Variants in LAMA2 observed in about 807,000 individuals in gnomAD.
LAMA2 encodes the protein laminin subunit alpha 2.
A neutral mutation model predicts 364.8 loss-of-function variants in LAMA2; 269 were observed. The observed-to-expected ratio is 0.74, with a 90% confidence interval of 0.67 to 0.82. The LOEUF is 0.82. Among genes scored for constraint, LAMA2 ranks in the 40% least tolerant of loss-of-function variants. The pLI is 0.00. For synonymous variants in LAMA2, 1,379 were observed against 1,370.6 expected, an observed-to-expected ratio of 1.01 and a Z score of -0.14; for missense variants, 3,807 against 3,873.2, an observed-to-expected ratio of 0.98 and a Z score of 0.45.
chr6:129,382,658 G>A (rs994158347), intron 34 of LAMA2, among the ~76,000 whole-genome samples: 7 of 152,012 alleles, frequency 4.6e-5, no homozygotes, highest in East Asian at 1.9e-4. Context: ...TTTAATTAAC[G>A]TATTGATCTA....
chr6:128,987,694 T>C (rs533937668), intron 1 of LAMA2, among the ~76,000 whole-genome samples: 1 of 152,050 alleles, frequency 6.6e-6, no homozygotes, highest in Non-Finnish European at 1.5e-5. Context: ...AAGAAAAGAG[T>C]CTTAGGCTTG....
At chr6:129,270,567 C>G in intron 16 of LAMA2, 57 bp from the exon 17 acceptor site, 1 of 1,596,422 alleles carries the variant, frequency 6.3e-7, no homozygotes. Flanking sequence ...CTATTTTTGG[C>G]AACATGTTGA....
intron 63 of LAMA2, among the ~76,000 whole-genome samples, chr6:129,513,999 T>C (rs1259363397): frequency 2.0e-5 from 3 of 152,182 alleles, no homozygotes. Flanking sequence ...TTTAAGAAAA[T>C]TTTATAAGGT....
At chr6:128,894,741 G>A (rs1437348203) in intron 1 of LAMA2, among the ~76,000 whole-genome samples, 1 of 152,004 alleles carries the variant, frequency 6.6e-6, no homozygotes, top group African/African-American at 2.4e-5. Context: ...TTTTCTTCTG[G>A]GAGTGTGTGG....
intron 3 of LAMA2, among the ~76,000 whole-genome samples, chr6:129,068,755 T>C (rs1773103069): frequency 6.6e-6 from 1 of 152,236 alleles, no homozygotes; most frequent in Admixed American, 6.5e-5. Context: ...CTATGTGACT[T>C]TACCACACTT....
chr6:129,365,196 A>G (rs560089773), intron 32 of LAMA2, among the ~76,000 whole-genome samples: 92 of 152,342 alleles, frequency 6.0e-4, no homozygotes, highest in African/African-American at 2.2e-3. Context: ...TTATTTATCT[A>G]TAAGACTGAA....
chr6:129,283,167 G>C (rs142770478), intron 18 of LAMA2, among the ~76,000 whole-genome samples: 65 of 152,134 alleles, frequency 4.3e-4, no homozygotes, highest in African/African-American at 1.5e-3. Flanking sequence ...AGGGGAGAAG[G>C]TATTCATGAT....
At chr6:129,497,181 T>C (rs1785253207) in intron 58 of LAMA2, among the ~76,000 whole-genome samples, 1 of 152,196 alleles carries the variant, frequency 6.6e-6, no homozygotes, top group Non-Finnish European at 1.5e-5. Context: ...TGTAATGATG[T>C]GGTTATTAAA....
chr6:129,366,184 A>C (rs1170774888), intron 32 of LAMA2, 35 bp from the exon 33 acceptor site: 3 of 1,611,974 alleles, frequency 1.9e-6, no homozygotes, highest in Non-Finnish European at 2.5e-6. Context: ...GATGTTTAGC[A>C]GAAGTAACTA....
At chr6:128,960,288 T>C (rs1309544527) in intron 1 of LAMA2, among the ~76,000 whole-genome samples, 3 of 152,082 alleles carry the variant, frequency 2.0e-5, no homozygotes, top group African/African-American at 7.2e-5. Context: ...TTTCATGGAT[T>C]AATCCCCTAG....
intron 1 of LAMA2, among the ~76,000 whole-genome samples, chr6:128,989,889 G>A (rs772923092): frequency 3.3e-5 from 5 of 151,798 alleles, no homozygotes; most frequent in South Asian, 2.1e-4. Flanking sequence ...TAGACAGCAC[G>A]TTTTTTTTCT....
chr6:129,124,655 C>T (rs1001392598), intron 4 of LAMA2, among the ~76,000 whole-genome samples: 1 of 152,164 alleles, frequency 6.6e-6, no homozygotes, highest in East Asian at 1.9e-4. Flanking sequence ...GGCTAAATTG[C>T]TGTCTTGCAA....
intron 57 of LAMA2, 107 bp from the exon 58 acceptor site, chr6:129,492,208 T>A: frequency 2.1e-6 from 3 of 1,432,830 alleles, no homozygotes; most frequent in Non-Finnish European, 2.9e-6. Context: ...CAACTTAGAC[T>A]GAGAAAAGCA....
chr6:129,142,840 A>T (rs1390526623), intron 4 of LAMA2, among the ~76,000 whole-genome samples: 1 of 151,988 alleles, frequency 6.6e-6, no homozygotes, highest in Non-Finnish European at 1.5e-5. Flanking sequence ...TTTAATTAAC[A>T]TTTATCCTAT....
chr6:129,178,624 A>G (rs897054658), intron 10 of LAMA2, among the ~76,000 whole-genome samples: 1 of 152,070 alleles, frequency 6.6e-6, no homozygotes, highest in African/African-American at 2.4e-5. Context: ...AAAAGTTAGC[A>G]TACCATACTT....
Position 129,495,691 on chromosome 6 carries a change from C to CTAAG in LAMA2, c.8244+3211_8244+3214dup, listed in dbSNP as rs1207311880. 2.6e-5 allele frequency among the ~76,000 whole-genome samples: 4 copies of CTAAG among 152,288 alleles called. No homozygotes were observed. In the East Asian group the frequency reaches 7.7e-4, roughly 29 times the overall value. On this transcript the variant is annotated intron_variant, in intron 58 of 64. Transcript: ENST00000421865. ...AGCCTCCATGGATCACCTTACTTTT[C>CTAAG]TAAGTACTTACACAAACTGCATTTT...
intron 44 of LAMA2, among the ~76,000 whole-genome samples, chr6:129,444,984 C>G (rs1346008396): frequency 6.6e-6 from 1 of 152,204 alleles, no homozygotes; most frequent in Non-Finnish European, 1.5e-5. Context: ...AGGGTTGAAA[C>G]TTTGAAATTG....
At chr6:129,221,526 T>G (rs7748901) in intron 12 of LAMA2, among the ~76,000 whole-genome samples, 20,176 of 151,984 alleles carry the variant, frequency 0.13, 3,347 homozygotes, top group African/African-American at 0.39. Context: ...ATATGTAGAA[T>G]AGCAAATCAG....
intron 40 of LAMA2, among the ~76,000 whole-genome samples, chr6:129,405,209 G>A (rs1780186927): frequency 6.6e-6 from 1 of 151,992 alleles, no homozygotes; most frequent in African/African-American, 2.4e-5. Context: ...CTAAAATGGT[G>A]CCTGGCAAAT....
Sources: gnomAD v4.1 joint callset for allele counts (sites outside exome capture counted in the v4.1 genomes callset) on GRCh38, gnomAD v4.1.1 for gene constraint, MANE v1.5 for transcripts, NCBI Gene and HGNC (gene_info 2026-07-23, HGNC 2026-07-21) for gene names.